Variants in GABBR1 observed in about 807,000 individuals in gnomAD.
The protein encoded by GABBR1 is GABA-B receptor, R1 subunit.
A neutral mutation model predicts 117.7 loss-of-function variants in GABBR1; 35 were observed. The observed-to-expected ratio is 0.30, with a 90% CI of 0.23 to 0.39. The LOEUF is 0.39. Among genes scored for constraint, GABBR1 ranks in the 10% least tolerant of loss-of-function variants. GABBR1 has a pLI of 1.00. For synonymous variants in GABBR1, 442 were observed against 486.6 expected, an observed-to-expected ratio of 0.91 and a Z score of 1.21; for missense variants, 709 against 1,241.8, an observed-to-expected ratio of 0.57 and a Z score of 6.45.
chr6:29,629,334 G>A (rs1363303141), intron 4 of GABBR1: 1 of 679,018 alleles, frequency 1.5e-6, no homozygotes, highest in African/African-American at 1.8e-5. Flanking sequence ...CAGAATTTGA[G>A]ACGGGAATGC....
intron 11 of GABBR1, among the ~76,000 whole-genome samples, chr6:29,615,916 A>C (rs1763042381): frequency 6.7e-6 from 1 of 150,202 alleles, no homozygotes; most frequent in South Asian, 2.1e-4. Context: ...AAAATACAAA[A>C]ATTAGCTGGG....
Position 29,622,582 on chromosome 6 carries a change from C to CA in GABBR1, c.964-378dup, listed in dbSNP as rs1763864692. 1 of 243,818 alleles carries CA rather than the reference C, an allele frequency of 4.1e-6. No individual in the cohort carries two copies. The highest frequency in any genetic ancestry group is 4.9e-5 in the Admixed American group (1 of 20,376). The allele number at this position is 243,818 out of a possible 1,614,324, so 15.1% of individuals were successfully genotyped here. A position where few individuals can be genotyped will look rare whatever the true frequency, so the allele number is the denominator to read the frequency against. On this transcript the variant is annotated intron_variant, in intron 8 of 22. Coordinates refer to ENST00000377034, the MANE Select transcript of GABBR1 (RefSeq NM_001470.4). The surrounding 1 kb of genome is among the most constrained non-coding windows in gnomAD (Gnocchi z 4.6). ...CTCAAGAGGCAAATGGGCAGACAGACAAAGGATCAGAGAAGAATGGTCTGA... is the reference window on the plus strand; with the variant it reads ...CTCAAGAGGCAAATGGGCAGACAGACAAAAGGATCAGAGAAGAATGGTCTGA...
At chr6:29,618,588 G>C (rs1032216869) in intron 11 of GABBR1, among the ~76,000 whole-genome samples, 11 of 152,092 alleles carry the variant, frequency 7.2e-5, no homozygotes. Flanking sequence ...TTTTTAGTTT[G>C]TACTGGTCCT....
Position 29,606,774 on chromosome 6 carries a change from C to A in GABBR1, c.2217+123G>T. The stretch of plus-strand genomic sequence containing the variant: ...TTCTAGGAAGGAAAGGAAGAGCTTC[C>A]AATACGAGGAAGGCACTCTCTCCAA... On this transcript the variant is annotated intron_variant, in intron 18 of 22. Coordinates refer to ENST00000377034, the MANE Select transcript of GABBR1 (RefSeq NM_001470.4). This position sits in a 1 kb window ranked among gnomAD's most constrained non-coding sequence, Gnocchi z 4.5. 1 of 769,762 alleles carries A rather than the reference C, an allele frequency of 1.3e-6. No individual in the cohort carries two copies. Among genetic ancestry groups the A allele is most frequent in the Non-Finnish European group, 2.1e-6 (1 of 469,622 alleles). 47.7% of individuals were successfully genotyped at this position (769,762 alleles called of 1,614,324 possible).
intron 11 of GABBR1, among the ~76,000 whole-genome samples, chr6:29,614,902 G>A (rs1762912871): frequency 7.0e-6 from 1 of 141,890 alleles, no homozygotes; most frequent in African/African-American, 2.6e-5. Context: ...TGTCGATAAT[G>A]TAGAAGGCTA....
rs1763806028 is a variant in GABBR1 at position 29,622,055 on chromosome 6, C to T, written c.1065+49G>A. ...TTCCTCTCCAACCAGTCACTGTCCC[C>T]CAGCTTGGTCCCTCCGTAAACAGAG... On this transcript the variant is annotated intron_variant, in intron 9 of 22. Transcript: ENST00000377034. This position sits in a 1 kb window ranked among gnomAD's most constrained non-coding sequence, Gnocchi z 4.6. The T allele has an allele frequency of 1.3e-6, 2 of 1,509,478 alleles. No homozygotes were observed. Among genetic ancestry groups the T allele is most frequent in the Non-Finnish European group, 9.2e-7 (1 of 1,086,074 alleles). The allele number at this position is 1,509,478 out of a possible 1,614,324, so 93.5% of individuals were successfully genotyped here.
intron 6 of GABBR1, 43 bp from the exon 7 acceptor site, chr6:29,624,067 C>A: frequency 6.5e-7 from 1 of 1,539,170 alleles, no homozygotes; most frequent in Non-Finnish European, 8.8e-7. Flanking sequence ...CCTGGGGCCC[C>A]TCCCCTGTCT....
intron 6 of GABBR1, among the ~76,000 whole-genome samples, chr6:29,626,488 T>C (rs41291770): frequency 0.11 from 16,720 of 151,858 alleles, 1,091 homozygotes; most frequent in East Asian, 0.24. Context: ...CAATTATTCA[T>C]GTAGGGGAGA....
In GABBR1 at chr6:29,621,791, T is replaced by C; in HGVS notation, c.1092A>G (p.Gly364=). 1 of 1,614,110 alleles carries C rather than the reference T, an allele frequency of 6.2e-7. No individual in the cohort carries two copies. Among genetic ancestry groups the C allele is most frequent in the Non-Finnish European group, 8.5e-7 (1 of 1,180,016 alleles). ...LKRQDARIIV[G]LFYETEARKV... ...TCCGGGCTTCAGTCTCATAGAAAAG[T>C]CCCACGATGATTCGGGCATCCTGGC... Residue 364 remains glycine (G), a synonymous_variant, in exon 10 of 23, where the codon GGA becomes GGG. Transcript: ENST00000377034. This position sits in a 1 kb window ranked among gnomAD's most constrained non-coding sequence, Gnocchi z 5.0.
Position 29,605,433 on chromosome 6 carries a change from T to C in GABBR1, c.2439+136A>G. 9.9e-7 allele frequency: 1 copy of C among 1,012,370 alleles called. No homozygotes were observed. Among genetic ancestry groups the C allele is most frequent in the Non-Finnish European group, 1.5e-6 (1 of 683,696 alleles). The allele number at this position is 1,012,370 out of a possible 1,614,324, so 62.7% of individuals were successfully genotyped here. A position where few individuals can be genotyped will look rare whatever the true frequency, so the allele number is the denominator to read the frequency against. ...GCTTTGTAAACTGTAAAGTGCTTTA[T>C]AGACCTGAAGAATTAACAAACTTTT... On this transcript the variant is annotated intron_variant, in intron 20 of 22. Transcript: ENST00000377034. The surrounding 1 kb of genome is among the most constrained non-coding windows in gnomAD (Gnocchi z 4.2).
Position 29,613,850 on chromosome 6 carries a change from C to T in GABBR1, c.1324-365G>A, listed in dbSNP as rs545932650. 1.3e-5 allele frequency among the ~76,000 whole-genome samples: 2 copies of T among 152,316 alleles called. No homozygotes were observed. The highest frequency in any genetic ancestry group is 4.8e-5 in the African/African-American group (2 of 41,578). On this transcript the variant is annotated intron_variant, in intron 11 of 22. Transcript: ENST00000377034. This position sits in a 1 kb window ranked among gnomAD's most constrained non-coding sequence, Gnocchi z 4.1. Reference sequence around the variant, plus strand: ...AATGAAGAGCTGTGACACTGATGTTCTCTGATCCTTCTGACTTTCTTCATA... The same window carrying T: ...AATGAAGAGCTGTGACACTGATGTTTTCTGATCCTTCTGACTTTCTTCATA...
In GABBR1 at chr6:29,604,045, T is replaced by C. The variant is rs1032410571; in HGVS notation, c.2713-329A>G. On this transcript the variant is annotated intron_variant, in intron 22 of 22. Coordinates refer to ENST00000377034, the MANE Select transcript of GABBR1 (RefSeq NM_001470.4). This position sits in a 1 kb window ranked among gnomAD's most constrained non-coding sequence, Gnocchi z 5.3. Reference sequence around the variant, plus strand: ...GAGATGTGTCAACCCAGTTGGAACATCCCTCTCTTTGGCATTGCACCAGCC... The same window carrying C: ...GAGATGTGTCAACCCAGTTGGAACACCCCTCTCTTTGGCATTGCACCAGCC... 1.3e-5 allele frequency among the ~76,000 whole-genome samples: 2 copies of C among 152,078 alleles called. No individual in the cohort carries two copies. The highest frequency in any genetic ancestry group is 2.9e-5 in the Non-Finnish European group (2 of 67,984).
chr6:29,628,207 A>C, intron 5 of GABBR1: 1 of 940,688 alleles, frequency 1.1e-6, no homozygotes. Flanking sequence ...GGGGGGATGC[A>C]ACCTCGAGGA....
rs1761919575 is a variant in GABBR1 at position 29,606,052 on chromosome 6, A to G, written c.2311+339T>C. On this transcript the variant is annotated intron_variant, in intron 19 of 22. Transcript: ENST00000377034. This position sits in a 1 kb window ranked among gnomAD's most constrained non-coding sequence, Gnocchi z 4.5. ...TTTCCAGGCAGAGGGTAGGTTTGCA[A>G]TTTGTGACCATGAATCGAACAATGC... 1.9e-6 allele frequency: 1 copy of G among 516,482 alleles called. No homozygotes were observed. The highest frequency in any genetic ancestry group is 3.4e-6 in the Non-Finnish European group (1 of 290,212). 32.0% of individuals were successfully genotyped at this position (516,482 alleles called of 1,614,324 possible).
In GABBR1 at chr6:29,627,948, C is replaced by T. The variant is rs1406514990; in HGVS notation, c.497-302G>A. ...GCCCCGGAGAAGCAGGGAAGGTTGGCTTCCTACGGCCCCCGCGGCTCTCGC... is the reference window on the plus strand; with the variant it reads ...GCCCCGGAGAAGCAGGGAAGGTTGGTTTCCTACGGCCCCCGCGGCTCTCGC... On this transcript the variant is annotated intron_variant, in intron 5 of 22. Coordinates refer to ENST00000377034, the MANE Select transcript of GABBR1 (RefSeq NM_001470.4). This position sits in a 1 kb window ranked among gnomAD's most constrained non-coding sequence, Gnocchi z 4.4. 1 of 1,351,274 alleles carries T rather than the reference C, an allele frequency of 7.4e-7. No homozygotes were observed. The highest frequency in any genetic ancestry group is 3.9e-5 in the Admixed American group (1 of 25,324). 83.7% of individuals were successfully genotyped at this position (1,351,274 alleles called of 1,614,324 possible).
At chr6:29,603,823 A>C (rs1761665340) in intron 22 of GABBR1, 107 bp from the exon 23 acceptor site, 2 of 772,714 alleles carry the variant, frequency 2.6e-6, no homozygotes, top group Admixed American at 7.3e-5. Context: ...AGGGCACAGA[A>C]AAATGTAGGG....
In GABBR1 at chr6:29,604,649, T is replaced by C; in HGVS notation, c.2569-12A>G. On this transcript the variant is annotated splice_polypyrimidine_tract_variant and intron_variant, in intron 21 of 22. Transcript: ENST00000377034. This position sits in a 1 kb window ranked among gnomAD's most constrained non-coding sequence, Gnocchi z 5.3. ...ATCAGCCTGCGCATCTGGGGGCAAA[T>C]GTTTGGGCGTGGGGTGGCCCAGCAA... 1.9e-6 allele frequency: 3 copies of C among 1,613,110 alleles called. No homozygotes were observed. Among genetic ancestry groups the C allele is most frequent in the Non-Finnish European group, 2.5e-6 (3 of 1,180,010 alleles).
rs1440145910 is a variant in GABBR1 at position 29,603,046 on chromosome 6, C to A, written c.*497G>T. ...CAAAGGAAGCAAAATTCAGGGGGAG[C>A]CACATGTGAGAAAGTATAGAAGGGC... On this transcript the variant is annotated 3_prime_UTR_variant, in exon 23 of 23. Coordinates refer to ENST00000377034, the MANE Select transcript of GABBR1 (RefSeq NM_001470.4). 5 of 456,828 alleles carry A rather than the reference C, an allele frequency of 1.1e-5. No individual in the cohort carries two copies. The highest frequency in any genetic ancestry group is 2.2e-5 in the Non-Finnish European group (5 of 227,124). The allele number at this position is 456,828 out of a possible 1,614,324, so 28.3% of individuals were successfully genotyped here.
chr6:29,630,311 A>G lies in GABBR1; in HGVS notation c.475+147T>C. 1 of 663,234 alleles carries G rather than the reference A, an allele frequency of 1.5e-6. No individual in the cohort carries two copies. Among genetic ancestry groups the G allele is most frequent in the Non-Finnish European group, 2.5e-6 (1 of 396,424 alleles). The allele number at this position is 663,234 out of a possible 1,614,324, so 41.1% of individuals were successfully genotyped here. On this transcript the variant is annotated intron_variant, in intron 4 of 22. Transcript: ENST00000377034. This position sits in a 1 kb window ranked among gnomAD's most constrained non-coding sequence, Gnocchi z 4.9. ...AGAGGAAGTTTGAGGCAGGTGATGG[A>G]GGAAAAAGGGACTTTCATCTCCCCT...
Sources: allele counts gnomAD v4.1 joint callset (sites outside exome capture counted in the v4.1 genomes callset), GRCh38; gene constraint gnomAD v4.1.1; non-coding constraint Gnocchi (gnomAD v3.1); transcripts MANE v1.5; gene names NCBI Gene and HGNC (gene_info 2026-07-23, HGNC 2026-07-21).